Variants in STPG4 observed in about 807,000 individuals in gnomAD.
The protein encoded by STPG4 is protein STPG4.
STPG4 carries 41 observed loss-of-function variants against 31.5 expected under a neutral mutation model. The observed-to-expected ratio is 1.30, with a 90% CI of 1.01 to 1.69. The LOEUF (loss-of-function observed/expected upper bound fraction) is 1.69, where lower values mean the gene tolerates loss of function less well. STPG4 is among the 40% of genes most tolerant of loss of function. The pLI, the probability that STPG4 is intolerant of heterozygous loss-of-function variation, is 0.00. For missense variants in STPG4, 375 were observed against 293.4 expected, an observed-to-expected ratio of 1.28 and a Z score of -2.03; for synonymous variants, 141 against 103.0, an observed-to-expected ratio of 1.37 and a Z score of -2.24.
chr2:47,111,089 G>C (rs1686027707), intron 5 of STPG4, among the ~76,000 whole-genome samples: 1 of 152,130 alleles, frequency 6.6e-6, no homozygotes, highest in Non-Finnish European at 1.5e-5. Flanking sequence ...TGGGTGAAAA[G>C]GCAGTTTTTA....
intron 5 of STPG4, among the ~76,000 whole-genome samples, chr2:47,090,986 G>T (rs547764991): frequency 6.6e-6 from 1 of 152,180 alleles, no homozygotes; most frequent in South Asian, 2.1e-4. Flanking sequence ...AGGAAGGAGG[G>T]CTTTAACCTC....
chr2:47,089,258 C>T (rs1685520073), intron 6 of STPG4, among the ~76,000 whole-genome samples: 1 of 152,160 alleles, frequency 6.6e-6, no homozygotes, highest in Admixed American at 6.5e-5. Flanking sequence ...GTGTGGATCC[C>T]CCAGCCTCCT....
intron 3 of STPG4, among the ~76,000 whole-genome samples, chr2:47,148,611 A>G (rs1471832738): frequency 6.6e-6 from 1 of 152,118 alleles, no homozygotes; most frequent in Non-Finnish European, 1.5e-5. Flanking sequence ...TACATGTGCC[A>G]TGTTGGTGTG....
intron 5 of STPG4, among the ~76,000 whole-genome samples, chr2:47,095,560 T>C (rs1685653418): frequency 6.6e-6 from 1 of 152,190 alleles, no homozygotes; most frequent in South Asian, 2.1e-4. Flanking sequence ...ATACCCAGTC[T>C]GTGGTACTTT....
At chr2:47,097,470 G>C (rs1363208623) in intron 5 of STPG4, among the ~76,000 whole-genome samples, 1 of 152,052 alleles carries the variant, frequency 6.6e-6, no homozygotes, top group African/African-American at 2.4e-5. Context: ...TATGTCATTA[G>C]GGCTTCTTCC....
At chr2:47,154,831 TCC>T (rs1686997443) in intron 1 of STPG4, among the ~76,000 whole-genome samples, 1 of 152,170 alleles carries the variant, frequency 6.6e-6, no homozygotes, top group South Asian at 2.1e-4. Context: ...AACCCAGTCT[TCC>T]GGCAGATGGA....
intron 3 of STPG4, 93 bp downstream of exon 3, chr2:47,151,165 C>T: frequency 6.9e-7 from 1 of 1,451,482 alleles, no homozygotes; most frequent in Non-Finnish European, 9.3e-7. Flanking sequence ...TTCCATTTCT[C>T]CTGGGGGAAG....
chr2:47,100,787 C>T (rs139695681), intron 5 of STPG4, among the ~76,000 whole-genome samples: 8,297 of 151,530 alleles, frequency 0.055, 412 homozygotes, highest in African/African-American at 0.11. Flanking sequence ...ACACTCACCA[C>T]GAAAGTCTGC....
At chr2:47,094,450 G>A (rs776614689) in intron 5 of STPG4, among the ~76,000 whole-genome samples, 11 of 152,112 alleles carry the variant, frequency 7.2e-5, no homozygotes, top group Non-Finnish European at 1.2e-4. Flanking sequence ...TCTTCCCTTT[G>A]AAGAAGCCCT....
chr2:47,100,738 G>A (rs954826832), intron 5 of STPG4, among the ~76,000 whole-genome samples: 4 of 151,628 alleles, frequency 2.6e-5, no homozygotes, highest in Admixed American at 1.3e-4. Flanking sequence ...CCCACTGGGA[G>A]GAATGAACAA....
At chr2:47,096,893 A>G (rs6733910) in intron 5 of STPG4, among the ~76,000 whole-genome samples, 7,903 of 152,206 alleles carry the variant, frequency 0.052, 390 homozygotes, top group South Asian at 0.13. Context: ...CTGTCACAGA[A>G]TAGAATTCAA....
intron 5 of STPG4, among the ~76,000 whole-genome samples, chr2:47,100,916 C>T (rs1573153384): frequency 6.6e-6 from 1 of 151,952 alleles, no homozygotes; most frequent in East Asian, 1.9e-4. Flanking sequence ...TAACACTCAC[C>T]ACGAGGGTCC....
chr2:47,109,688 G>C (rs2103752535), intron 5 of STPG4, among the ~76,000 whole-genome samples: 1 of 152,062 alleles, frequency 6.6e-6, no homozygotes, highest in African/African-American at 2.4e-5. Context: ...AATTATCTTA[G>C]CTTCCAAATT....
intron 5 of STPG4, among the ~76,000 whole-genome samples, chr2:47,109,998 G>C (rs894503267): frequency 9.0e-5 from 13 of 144,836 alleles, no homozygotes; most frequent in African/African-American, 2.9e-4. Flanking sequence ...TTATAGGCCT[G>C]TCAGGTTTTA....
intron 3 of STPG4, among the ~76,000 whole-genome samples, chr2:47,139,518 C>T (rs1483078059): frequency 3.3e-5 from 5 of 151,400 alleles, no homozygotes; most frequent in East Asian, 3.9e-4. Flanking sequence ...TTGATCTGGT[C>T]CCCCCTGTTG....
chr2:47,109,169 G>T (rs1405851543), intron 5 of STPG4, among the ~76,000 whole-genome samples: 3 of 152,200 alleles, frequency 2.0e-5, no homozygotes, highest in Non-Finnish European at 2.9e-5. Context: ...CAGCTGGATG[G>T]CAATACATGA....
chr2:47,103,468 C>T (rs1247454645), intron 5 of STPG4, among the ~76,000 whole-genome samples: 1 of 151,782 alleles, frequency 6.6e-6, no homozygotes, highest in Non-Finnish European at 1.5e-5. Flanking sequence ...ATAAGAGGGA[C>T]CAAGAGGAAC....
At chr2:47,105,934 A>G (rs1685901292) in intron 5 of STPG4, among the ~76,000 whole-genome samples, 1 of 152,074 alleles carries the variant, frequency 6.6e-6, no homozygotes, top group Non-Finnish European at 1.5e-5. Context: ...TGCAATGCAA[A>G]AATACAAAGA....
chr2:47,145,338 T>C (rs774760493), intron 3 of STPG4, among the ~76,000 whole-genome samples: 3 of 152,154 alleles, frequency 2.0e-5, no homozygotes, highest in Non-Finnish European at 2.9e-5. Flanking sequence ...CCCACCTCAC[T>C]CCACTGCCAA....
Sources: gnomAD v4.1 joint callset for allele counts (sites outside exome capture counted in the v4.1 genomes callset) on GRCh38, gnomAD v4.1.1 for gene constraint, MANE v1.5 for transcripts, NCBI Gene and HGNC (gene_info 2026-07-23, HGNC 2026-07-21) for gene names.